The following ELAVL2 variants were observed in gnomAD, a reference collection of about 807,000 sequenced individuals.
ELAVL2 encodes the protein ELAV-like protein 2.
ELAVL2 carries 4 observed loss-of-function variants against 34.6 expected under a neutral mutation model. The observed-to-expected ratio is 0.12, with a 90% confidence interval of 0.06 to 0.26. The LOEUF (loss-of-function observed/expected upper bound fraction) is 0.26. Among genes scored for constraint, ELAVL2 ranks in the 10% least tolerant of loss-of-function variants. The pLI, the probability that ELAVL2 is intolerant of heterozygous loss-of-function variation, is 1.00. For synonymous variants in ELAVL2, 193 were observed against 154.8 expected (o/e 1.25, Z -1.83); for missense variants, 432 against 442.8 (o/e 0.98, Z 0.22).
intron 1 of ELAVL2, among the ~76,000 whole-genome samples, chr9:23,763,829 CT>C (rs999791252): frequency 2.0e-5 from 3 of 152,090 alleles, no homozygotes; most frequent in Non-Finnish European, 4.4e-5. Context: ...CCTGTAACCC[CT>C]CTGTGACTTC....
chr9:23,781,765 C>G (rs906805252), intron 1 of ELAVL2, among the ~76,000 whole-genome samples: 11 of 151,886 alleles, frequency 7.2e-5, no homozygotes, highest in African/African-American at 2.7e-4. Context: ...GGATTCTCTG[C>G]TCACCGCAAA....
chr9:23,823,088 G>A (rs2065037938), intron 1 of ELAVL2, among the ~76,000 whole-genome samples: 1 of 152,222 alleles, frequency 6.6e-6, no homozygotes, highest in Non-Finnish European at 1.5e-5. Context: ...CCAGTCTGGG[G>A]ACACCGGATA....
At chr9:23,771,440 G>GAT (rs1018778772) in intron 1 of ELAVL2, among the ~76,000 whole-genome samples, 3 of 151,686 alleles carry the variant, frequency 2.0e-5, no homozygotes, top group Non-Finnish European at 4.4e-5. Context: ...TCTATATATA[G>GAT]ATATATATAG....
intron 1 of ELAVL2, among the ~76,000 whole-genome samples, chr9:23,769,830 A>G (rs1334338422): frequency 2.0e-5 from 3 of 152,178 alleles, no homozygotes; most frequent in African/African-American, 4.8e-5. Context: ...CTACGGACAA[A>G]GTACACAGTC....
At chr9:23,750,716 A>C (rs951983414) in intron 2 of ELAVL2, among the ~76,000 whole-genome samples, 2 of 152,180 alleles carry the variant, frequency 1.3e-5, no homozygotes, top group South Asian at 4.1e-4. Context: ...TTATATTCAA[A>C]ATGTTTAGAT....
At chr9:23,703,818 T>A (rs1383790386) in intron 4 of ELAVL2, among the ~76,000 whole-genome samples, 1 of 152,168 alleles carries the variant, frequency 6.6e-6, no homozygotes, top group Non-Finnish European at 1.5e-5. Context: ...ACCTCACAAA[T>A]CTTCATGTGG....
chr9:23,743,829 G>A (rs1564219309), intron 2 of ELAVL2, among the ~76,000 whole-genome samples: 1 of 152,072 alleles, frequency 6.6e-6, no homozygotes, highest in Non-Finnish European at 1.5e-5. Flanking sequence ...TGCTGTTACT[G>A]AAGTTACTCG....
intron 3 of ELAVL2, among the ~76,000 whole-genome samples, chr9:23,715,352 G>A (rs971802633): frequency 1.3e-5 from 2 of 151,876 alleles, no homozygotes; most frequent in Admixed American, 6.6e-5. Context: ...GTTTCACAGT[G>A]TTAGCCAGAA....
At chr9:23,783,915 C>A (rs2059376778) in intron 1 of ELAVL2, among the ~76,000 whole-genome samples, 1 of 150,532 alleles carries the variant, frequency 6.6e-6, no homozygotes, top group Non-Finnish European at 1.5e-5. Flanking sequence ...TGGGCACAGG[C>A]CGGGCGCGGT....
the ELAVL2 span, among the ~76,000 whole-genome samples, chr9:23,838,820 A>G: frequency 2.0e-5 from 3 of 152,324 alleles, no homozygotes; most frequent in South Asian, 6.2e-4. Flanking sequence ...AGTGAAAACC[A>G]TAATACAGTA....
intron 2 of ELAVL2, among the ~76,000 whole-genome samples, chr9:23,753,493 T>C (rs528178693): frequency 9.2e-5 from 14 of 152,246 alleles, no homozygotes; most frequent in Middle Eastern, 6.8e-3. Context: ...GAATGAAAAC[T>C]GTCAAAAACA....
intron 1 of ELAVL2, among the ~76,000 whole-genome samples, chr9:23,783,936 T>A (rs559766308): frequency 6.6e-6 from 1 of 151,592 alleles, no homozygotes; most frequent in Non-Finnish European, 1.5e-5. Context: ...GGCTCACACC[T>A]GTAATCCCAG....
intron 3 of ELAVL2, among the ~76,000 whole-genome samples, chr9:23,711,054 A>G (rs1221008627): frequency 6.6e-6 from 1 of 152,184 alleles, no homozygotes; most frequent in Non-Finnish European, 1.5e-5. Context: ...TCACAGTCCA[A>G]TATTAAGTTT....
chr9:23,825,115 CA>C (rs1171413691), intron 1 of ELAVL2, among the ~76,000 whole-genome samples: 2 of 152,164 alleles, frequency 1.3e-5, no homozygotes, highest in East Asian at 3.9e-4. Context: ...AATTCAGCCC[CA>C]AATTGGCTAT....
intron 5 of ELAVL2, among the ~76,000 whole-genome samples, chr9:23,697,050 G>A (rs1427353929): frequency 2.0e-5 from 3 of 152,008 alleles, no homozygotes; most frequent in Non-Finnish European, 2.9e-5. Context: ...AGCAATCATC[G>A]AAGGGGAGAG....
At chr9:23,766,395 A>G (rs187200562) in intron 1 of ELAVL2, among the ~76,000 whole-genome samples, 1 of 152,282 alleles carries the variant, frequency 6.6e-6, no homozygotes, top group Non-Finnish European at 1.5e-5. Context: ...TTAAGACTAC[A>G]TGAGCAGGAC....
rs558056399 is a variant in ELAVL2, at chr9:23,716,908, T to A, written c.334-11837A>T. Among the ~76,000 whole-genome samples the A allele has an allele frequency of 5.4e-4, 82 of 152,162 alleles. 1 individual carries two copies. The highest frequency in any genetic ancestry group is 2.0e-3 in the African/African-American group (81 of 41,510). On this transcript the variant is annotated intron_variant, in intron 3 of 6. Coordinates refer to ENST00000397312, the MANE Select transcript of ELAVL2 (RefSeq NM_004432.5). ...ACACTGACAACACTAGAACAGTGAG[T>A]TGAGGGCAGAGTCTAGAGACCTTGA...
At chr9:23,697,576 G>A (rs1030826110) in intron 5 of ELAVL2, among the ~76,000 whole-genome samples, 2 of 152,118 alleles carry the variant, frequency 1.3e-5, no homozygotes, top group African/African-American at 4.8e-5. Flanking sequence ...GCACATAGGA[G>A]AGAGATGTGT....
At chr9:23,740,311 C>T (rs1285442937) in intron 2 of ELAVL2, among the ~76,000 whole-genome samples, 1 of 152,176 alleles carries the variant, frequency 6.6e-6, no homozygotes, top group Non-Finnish European at 1.5e-5. Context: ...CATGTAAATA[C>T]ATCTGTATCC....
Sources: allele counts gnomAD v4.1 joint callset (sites outside exome capture counted in the v4.1 genomes callset), GRCh38; gene constraint gnomAD v4.1.1; transcripts MANE v1.5; gene names NCBI Gene and HGNC (gene_info 2026-07-23, HGNC 2026-07-21).